The following GABPB2 variants were observed in gnomAD, a reference collection of about 807,000 sequenced individuals.
The protein encoded by GABPB2 is GA binding protein transcription factor subunit beta 2.
A neutral mutation model predicts 39.1 loss-of-function variants in GABPB2; 23 were observed. That is an observed-to-expected ratio of 0.59 (90% CI 0.42 to 0.83). The LOEUF is 0.83. Among genes scored for constraint, GABPB2 ranks in the 40% least tolerant of loss-of-function variants. The probability of loss-of-function intolerance (pLI) is 0.00; values close to 1 mark genes in which losing one functional copy is unlikely to be tolerated. For synonymous variants in GABPB2, 184 were observed against 199.3 expected, an observed-to-expected ratio of 0.92 and a Z score of 0.65; for missense variants, 467 against 541.1, an observed-to-expected ratio of 0.86 and a Z score of 1.36.
At chr1:151,079,031 A>G (rs1479372984) in intron 1 of GABPB2, among the ~76,000 whole-genome samples, 4 of 152,240 alleles carry the variant, frequency 2.6e-5, no homozygotes, top group East Asian at 3.9e-4. Flanking sequence ...AACTGAGGAT[A>G]GGAGGAGAAA....
In GABPB2 at chr1:151,118,390, C is replaced by A; in HGVS notation, c.*134C>A. ...ACTATAGCAGGGTACAATGCTTGGGCTCAGGAAGTTTCTCTGTGCAACTAG... is the reference window on the plus strand; with the variant it reads ...ACTATAGCAGGGTACAATGCTTGGGATCAGGAAGTTTCTCTGTGCAACTAG... On this transcript the variant is annotated 3_prime_UTR_variant, in exon 9 of 9. Transcript: ENST00000368918. 2.4e-6 allele frequency: 2 copies of A among 840,112 alleles called. No homozygotes were observed. Among genetic ancestry groups the A allele is most frequent in the Non-Finnish European group, 3.5e-6 (2 of 565,946 alleles). 52.0% of individuals were successfully genotyped at this position (840,112 alleles called of 1,614,324 possible). A position where few individuals can be genotyped will look rare whatever the true frequency, so the allele number is the denominator to read the frequency against.
intron 1 of GABPB2, among the ~76,000 whole-genome samples, chr1:151,072,449 C>T (rs776681149): frequency 6.6e-5 from 10 of 151,916 alleles, no homozygotes; most frequent in Non-Finnish European, 1.2e-4. Flanking sequence ...CCCAGCTACT[C>T]GGGAAACTGA....
chr1:151,097,969 C>T lies in GABPB2; in HGVS notation c.589C>T (p.Leu197Phe). 2 of 1,614,022 alleles carry T rather than the reference C, an allele frequency of 1.2e-6. No homozygotes were observed. The highest frequency in any genetic ancestry group is 1.7e-6 in the Non-Finnish European group (2 of 1,179,990). ...TSGEVVNLAS[L>F]ISSTNTKTTS... Reference sequence around the variant, plus strand: ...GGGTGAGGTTGTTAACCTCGCAAGCCTTATTTCTTCAACCAACACCAAAAC... The same window carrying T: ...GGGTGAGGTTGTTAACCTCGCAAGCTTTATTTCTTCAACCAACACCAAAAC... Residue 197 changes from leucine (L) to phenylalanine (F), a missense_variant, in exon 5 of 9, where the codon CTT becomes TTT. Leu to Phe is a conservative substitution (Grantham distance 22). Coordinates refer to ENST00000368918, the MANE Select transcript of GABPB2 (RefSeq NM_144618.3).
At chr1:151,117,221 C>A (rs1384881298) in intron 7 of GABPB2, among the ~76,000 whole-genome samples, 171 bp from the exon 8 acceptor site, 1 of 152,026 alleles carries the variant, frequency 6.6e-6, no homozygotes, top group African/African-American at 2.4e-5. Context: ...GTCTTGAACT[C>A]CTGGATTCAA....
chr1:151,071,095 G>A (rs1197802343), intron 1 of GABPB2, among the ~76,000 whole-genome samples, 161 bp downstream of exon 1: 2 of 152,122 alleles, frequency 1.3e-5, no homozygotes, highest in Admixed American at 6.6e-5. Flanking sequence ...GGAGGGGGAC[G>A]GGGAGGAAGG....
intron 1 of GABPB2, among the ~76,000 whole-genome samples, chr1:151,073,663 C>T (rs587669298): frequency 2.6e-5 from 4 of 151,964 alleles, no homozygotes; most frequent in African/African-American, 7.2e-5. Flanking sequence ...GGCTCATCCC[C>T]GTAATCCCAG....
In GABPB2 at chr1:151,121,290, G is replaced by A. The variant is rs1232290827; in HGVS notation, c.*3034G>A. 1 of 152,136 alleles carries A rather than the reference G, an allele frequency of 6.6e-6. No individual in the cohort carries two copies. Among genetic ancestry groups the A allele is most frequent in the Non-Finnish European group, 1.5e-5 (1 of 68,020 alleles). 9.4% of individuals were successfully genotyped at this position (152,136 alleles called of 1,614,324 possible). On this transcript the variant is annotated 3_prime_UTR_variant, in exon 9 of 9. Coordinates refer to ENST00000368918, the MANE Select transcript of GABPB2 (RefSeq NM_144618.3). ...CTTTGTGCCTTATAGGGTGCTCAGT[G>A]TGTGTTGACAAAGGGAATAAGAACT...
chr1:151,116,439 G>C (rs1680878174), intron 7 of GABPB2, among the ~76,000 whole-genome samples: 1 of 150,656 alleles, frequency 6.6e-6, no homozygotes, highest in Non-Finnish European at 1.5e-5. Flanking sequence ...CATTCTGACA[G>C]ATGTGTAGTG....
intron 4 of GABPB2, among the ~76,000 whole-genome samples, chr1:151,097,026 C>T (rs991176105): frequency 3.0e-4 from 46 of 152,168 alleles, no homozygotes; most frequent in African/African-American, 1.1e-3. Context: ...ATTCTCCTGC[C>T]TCAGCCTCCC....
chr1:151,117,589 C>A, intron 8 of GABPB2, 73 bp downstream of exon 8: 2 of 1,504,250 alleles, frequency 1.3e-6, no homozygotes, highest in East Asian at 2.3e-5. Context: ...TTCATCTTTT[C>A]TTTTTTCTTT....
chr1:151,111,583 C>T lies in GABPB2; in HGVS notation c.922+4361C>T, dbSNP rs587679385. On this transcript the variant is annotated intron_variant, in intron 7 of 8. Coordinates refer to ENST00000368918, the MANE Select transcript of GABPB2 (RefSeq NM_144618.3). Reference sequence around the variant, plus strand: ...GACTACAGGCGCCTGCCACCACGCCCGGCTAATTTTTTTTGTATTTTTAGT... The same window carrying T: ...GACTACAGGCGCCTGCCACCACGCCTGGCTAATTTTTTTTGTATTTTTAGT... Among the ~76,000 whole-genome samples the T allele has an allele frequency of 3.5e-3, 526 of 152,012 alleles. 5 individuals are homozygous for T. The highest frequency in any genetic ancestry group is 0.012 in the African/African-American group (505 of 41,500).
At chr1:151,098,188 G>A (rs1196031723) in intron 5 of GABPB2, among the ~76,000 whole-genome samples, 186 bp downstream of exon 5, 1 of 152,060 alleles carries the variant, frequency 6.6e-6, no homozygotes, top group African/African-American at 2.4e-5. Context: ...TCATACATAG[G>A]GATTACAAAG....
At chr1:151,088,548 T>C in intron 2 of GABPB2, 1 of 877,788 alleles carries the variant, frequency 1.1e-6, no homozygotes, top group Non-Finnish European at 1.6e-6. Context: ...TCTATAATGT[T>C]TTTTAGAGTA....
intron 2 of GABPB2, 195 bp downstream of exon 2, chr1:151,088,492 G>A (rs1363300349): frequency 7.7e-7 from 1 of 1,303,576 alleles, no homozygotes; most frequent in Non-Finnish European, 1.0e-6. Context: ...AGAGTCTCCT[G>A]TGGATATATA....
At chr1:151,112,808 A>G (rs1487701697) in intron 7 of GABPB2, 3 of 152,624 alleles carry the variant, frequency 2.0e-5, no homozygotes, top group South Asian at 2.0e-4. Flanking sequence ...GTCTCGTTCT[A>G]TCACCAGGCT....
In GABPB2 at chr1:151,121,935, C is replaced by T. The variant is rs587757216; in HGVS notation, c.*3679C>T. ...GAGGGAGATGTGCCAAGTAAACATT[C>T]GAATGACTGTTTAGAATATGGTTTT... On this transcript the variant is annotated 3_prime_UTR_variant, in exon 9 of 9. Transcript: ENST00000368918. 29 of 152,234 alleles carry T rather than the reference C, an allele frequency of 1.9e-4. No individual in the cohort carries two copies. Among genetic ancestry groups the T allele is most frequent in the African/African-American group, 6.5e-4 (27 of 41,530 alleles). The allele number at this position is 152,234 out of a possible 1,614,324, so 9.4% of individuals were successfully genotyped here. A position where few individuals can be genotyped will look rare whatever the true frequency, so the allele number is the denominator to read the frequency against.
intron 5 of GABPB2, among the ~76,000 whole-genome samples, chr1:151,099,285 C>T (rs1679340035): frequency 6.6e-6 from 1 of 151,796 alleles, no homozygotes. Flanking sequence ...GCAACCTTTG[C>T]CTCCCGGGTT....
intron 7 of GABPB2, among the ~76,000 whole-genome samples, chr1:151,107,515 T>C (rs1348737668): frequency 3.3e-5 from 5 of 151,698 alleles, no homozygotes; most frequent in Admixed American, 6.6e-5. Flanking sequence ...TTTTTTTTTT[T>C]CTTCAGAAGG....
At chr1:151,095,559 C>T (rs1679035939) in intron 4 of GABPB2, among the ~76,000 whole-genome samples, 1 of 152,116 alleles carries the variant, frequency 6.6e-6, no homozygotes, top group Non-Finnish European at 1.5e-5. Context: ...GAACTTGAAC[C>T]AAGGAAGTGC....
Sources: gnomAD v4.1 joint callset for allele counts (sites outside exome capture counted in the v4.1 genomes callset) on GRCh38, gnomAD v4.1.1 for gene constraint, MANE v1.5 for transcripts, NCBI Gene and HGNC (gene_info 2026-07-23, HGNC 2026-07-21) for gene names.